TAOK1: variants seen among roughly 807,000 people sequenced by gnomAD.
TAOK1 encodes the protein serine/threonine-protein kinase TAO1.
In TAOK1, 21 loss-of-function variants were observed where a neutral mutation model predicts 138.3. The ratio of observed to expected loss-of-function variants is 0.15; its 90% CI spans 0.11 to 0.22. The LOEUF (loss-of-function observed/expected upper bound fraction) is 0.22, where lower values mean the gene tolerates loss of function less well. TAOK1 is among the 10% of genes least tolerant of loss of function. The pLI, the probability that TAOK1 is intolerant of heterozygous loss-of-function variation, is 1.00. For missense variants in TAOK1, 651 were observed against 1,227.7 expected (o/e 0.53, Z 7.02); for synonymous variants, 361 against 398.4 (o/e 0.91, Z 1.12).
intron 1 of TAOK1, among the ~76,000 whole-genome samples, chr17:29,393,133 A>G (rs922180886): frequency 3.3e-5 from 5 of 152,190 alleles, no homozygotes; most frequent in African/African-American, 1.2e-4. Context: ...AGTTTTCTCC[A>G]TTATGGCAAA....
chr17:29,426,434 T>C (rs1012709119), intron 1 of TAOK1, among the ~76,000 whole-genome samples: 2 of 151,958 alleles, frequency 1.3e-5, no homozygotes, highest in African/African-American at 2.4e-5. Context: ...GGGAAGACAG[T>C]AAGTATAGTA....
chr17:29,391,491 C>T (rs1048484711), intron 1 of TAOK1, among the ~76,000 whole-genome samples: 8 of 152,156 alleles, frequency 5.3e-5, no homozygotes, highest in African/African-American at 1.9e-4. Context: ...AAGCGTTTCT[C>T]TCCCCGTACC....
At chr17:29,526,976 ATTAGCTGGG>A (rs1344363611) in intron 17 of TAOK1, among the ~76,000 whole-genome samples, 1 of 152,164 alleles carries the variant, frequency 6.6e-6, no homozygotes, top group Non-Finnish European at 1.5e-5. Context: ...AAATTAAAAA[ATTAGCTGGG>A]TGTGGTGGCA....
intron 17 of TAOK1, among the ~76,000 whole-genome samples, chr17:29,526,441 G>A (rs540194054): frequency 1.3e-5 from 2 of 151,574 alleles, no homozygotes; most frequent in Non-Finnish European, 3.0e-5. Context: ...GTTTTTGTTT[G>A]TTTTCACTGT....
At chr17:29,494,980 GATC>G (rs1273286385) in intron 10 of TAOK1, among the ~76,000 whole-genome samples, 3 of 152,050 alleles carry the variant, frequency 2.0e-5, no homozygotes, top group Non-Finnish European at 4.4e-5. Flanking sequence ...ATGTAACTGT[GATC>G]ATCATAATGG....
At chr17:29,449,434 A>G (rs2030177343) in intron 1 of TAOK1, among the ~76,000 whole-genome samples, 1 of 152,368 alleles carries the variant, frequency 6.6e-6, no homozygotes, top group African/African-American at 2.4e-5. Flanking sequence ...TTAGGGGGGT[A>G]CAAAAGACAT....
intron 19 of TAOK1, among the ~76,000 whole-genome samples, chr17:29,539,268 C>A (rs1205832251): frequency 6.6e-6 from 1 of 151,628 alleles, no homozygotes; most frequent in African/African-American, 2.4e-5. Context: ...TCTCAGAAAA[C>A]AACAAACAAA....
At chr17:29,408,469 G>T (rs1326414955) in intron 1 of TAOK1, among the ~76,000 whole-genome samples, 1 of 151,912 alleles carries the variant, frequency 6.6e-6, no homozygotes, top group Non-Finnish European at 1.5e-5. Flanking sequence ...GCTTGCTTTG[G>T]CCTCCCAAAC....
intron 8 of TAOK1, among the ~76,000 whole-genome samples, chr17:29,486,557 G>A (rs185678805): frequency 2.2e-3 from 331 of 152,032 alleles, no homozygotes; most frequent in African/African-American, 7.6e-3. Context: ...CTCTTGAACC[G>A]GGGAGGCGGA....
rs1338532795 is a variant in TAOK1 at position 29,498,374 on chromosome 17, A to G, written c.1056A>G (p.Gln352=). 6.2e-6 allele frequency: 10 copies of G among 1,614,200 alleles called. No individual in the cohort carries two copies. Among genetic ancestry groups the G allele is most frequent in the East Asian group, 2.2e-5 (1 of 44,882 alleles). The part of the protein sequence containing the change: ...TGTVNSVGSN[Q]SIPSMSISAS... ...CAGTTAATAGTGTTGGAAGTAATCA[A>G]TCCATTCCCAGCATGTCCATCAGTG... Residue 352 remains glutamine (Q), a synonymous_variant, in exon 12 of 20, where the codon CAA becomes CAG. Transcript: ENST00000261716.
Position 29,451,929 on chromosome 17 carries a change from T to C in TAOK1, c.132+249T>C, listed in dbSNP as rs550951384. Reference sequence around the variant, plus strand: ...TGAAAAAATGAGAAAGAATATTATTTTGTGGGCCAGGCTTGGTGGCTCACG... The same window carrying C: ...TGAAAAAATGAGAAAGAATATTATTCTGTGGGCCAGGCTTGGTGGCTCACG... On this transcript the variant is annotated intron_variant, in intron 2 of 19. Coordinates refer to ENST00000261716, the MANE Select transcript of TAOK1 (RefSeq NM_020791.4). Among the ~76,000 whole-genome samples the C allele has an allele frequency of 2.0e-5, 3 of 152,190 alleles. No homozygotes were observed. In the South Asian group the frequency reaches 6.2e-4, roughly 32 times the overall value.
intron 1 of TAOK1, among the ~76,000 whole-genome samples, chr17:29,400,887 G>A (rs1037128300): frequency 9.4e-5 from 14 of 148,992 alleles, no homozygotes; most frequent in Admixed American, 4.1e-4. Context: ...ATTATTATGG[G>A]AAACTTTTGT....
At chr17:29,446,222 T>G (rs2030073887) in intron 1 of TAOK1, among the ~76,000 whole-genome samples, 1 of 152,208 alleles carries the variant, frequency 6.6e-6, no homozygotes. Context: ...AAATAACCAA[T>G]TTTTGACTTG....
chr17:29,461,921 G>A (rs2030540754), intron 2 of TAOK1, among the ~76,000 whole-genome samples: 1 of 152,072 alleles, frequency 6.6e-6, no homozygotes, highest in African/African-American at 2.4e-5. Context: ...ATGTAGATGA[G>A]GAAAGTTTGA....
chr17:29,459,873 T>C (rs1159223649), intron 2 of TAOK1, among the ~76,000 whole-genome samples: 1 of 152,206 alleles, frequency 6.6e-6, no homozygotes. Context: ...CCCAACAGTG[T>C]ACAGGGGTTC....
chr17:29,414,072 A>G (rs1006023953), intron 1 of TAOK1, among the ~76,000 whole-genome samples: 27 of 151,014 alleles, frequency 1.8e-4, no homozygotes, highest in Non-Finnish European at 1.5e-4. Flanking sequence ...TTTAGTAGAG[A>G]CGGGGTTTCA....
chr17:29,399,558 G>A (rs1904774090), intron 1 of TAOK1, among the ~76,000 whole-genome samples: 3 of 151,602 alleles, frequency 2.0e-5, no homozygotes, highest in Admixed American at 2.0e-4. Flanking sequence ...CTCGTGATCT[G>A]CCCGCCTTGG....
chr17:29,397,697 G>A (rs919264336), intron 1 of TAOK1, among the ~76,000 whole-genome samples: 3 of 82,356 alleles, frequency 3.6e-5, no homozygotes, highest in Non-Finnish European at 7.2e-5. Context: ...GTATATTCAT[G>A]TATGCATACA....
At position 29,467,234 on chromosome 17, in the gene TAOK1, ATTC is replaced by A; in HGVS notation, c.204+21_204+23del. 6.6e-7 allele frequency: 1 copy of A among 1,505,384 alleles called. No individual in the cohort carries two copies. Among genetic ancestry groups the A allele is most frequent in the African/African-American group, 1.4e-5 (1 of 71,694 alleles). The allele number at this position is 1,505,384 out of a possible 1,614,324, so 93.3% of individuals were successfully genotyped here. ...CTACTGAGGTAGGTTAAATATGTAC[ATTC>A]TTGTTTTTTTCTTATATTTATCTCA... On this transcript the variant is annotated intron_variant, in intron 3 of 19. Coordinates refer to ENST00000261716, the MANE Select transcript of TAOK1 (RefSeq NM_020791.4).
Sources: allele counts gnomAD v4.1 joint callset (sites outside exome capture counted in the v4.1 genomes callset), GRCh38; gene constraint gnomAD v4.1.1; transcripts MANE v1.5; gene names NCBI Gene and HGNC (gene_info 2026-07-23, HGNC 2026-07-21).